Variants in IL1RAP observed in about 807,000 individuals in gnomAD.
IL1RAP encodes interleukin-1 receptor accessory protein.
A neutral mutation model predicts 60.7 loss-of-function variants in IL1RAP; 35 were observed. The observed-to-expected ratio is 0.58, with a 90% confidence interval of 0.44 to 0.76. The LOEUF is 0.76. IL1RAP is among the 30% of genes least tolerant of loss of function. The pLI, the probability that IL1RAP is intolerant of heterozygous loss-of-function variation, is 0.00. For synonymous variants in IL1RAP, 268 were observed against 250.9 expected (o/e 1.07, Z -0.64); for missense variants, 572 against 693.9 (o/e 0.82, Z 1.97).
At chr3:190,596,378 G>A (rs1052648409) in intron 3 of IL1RAP, among the ~76,000 whole-genome samples, 4 of 151,942 alleles carry the variant, frequency 2.6e-5, no homozygotes, top group Non-Finnish European at 4.4e-5. Flanking sequence ...CTACCACTCA[G>A]GCAAAAGTAA....
intron 11 of IL1RAP, among the ~76,000 whole-genome samples, chr3:190,647,898 T>A (rs970152235): frequency 6.6e-6 from 1 of 152,188 alleles, no homozygotes; most frequent in African/African-American, 2.4e-5. Context: ...CCTTTTTGAG[T>A]GTCCATTGGT....
intron 1 of IL1RAP, among the ~76,000 whole-genome samples, chr3:190,543,806 G>A (rs1046564487): frequency 6.6e-6 from 1 of 152,152 alleles, no homozygotes; most frequent in Non-Finnish European, 1.5e-5. Flanking sequence ...GATCGTGGGA[G>A]GATTCAGAAT....
intron 3 of IL1RAP, among the ~76,000 whole-genome samples, chr3:190,571,174 A>G (rs941383976): frequency 1.3e-5 from 2 of 152,050 alleles, no homozygotes; most frequent in Non-Finnish European, 2.9e-5. Flanking sequence ...TTAATTTATT[A>G]TGGTGGGTTT....
At chr3:190,603,040 T>C (rs1729993718) in intron 3 of IL1RAP, among the ~76,000 whole-genome samples, 1 of 152,186 alleles carries the variant, frequency 6.6e-6, no homozygotes, top group African/African-American at 2.4e-5. Flanking sequence ...GTTTGTTTTT[T>C]TTTCTGAGTA....
At chr3:190,546,824 A>G (rs1329055587) in intron 1 of IL1RAP, among the ~76,000 whole-genome samples, 1 of 152,172 alleles carries the variant, frequency 6.6e-6, no homozygotes, top group Non-Finnish European at 1.5e-5. Flanking sequence ...AGGCAATGAA[A>G]ATCTGTGTCA....
chr3:190,627,283 TG>T (rs756474800), intron 7 of IL1RAP, 39 bp from the exon 8 acceptor site: 10 of 1,466,772 alleles, frequency 6.8e-6, no homozygotes, highest in African/African-American at 3.2e-5. Flanking sequence ...TGTTTTGTTT[TG>T]TTTTTTGTTT....
At chr3:190,584,083 G>A (rs9862847) in intron 3 of IL1RAP, among the ~76,000 whole-genome samples, 10,953 of 152,120 alleles carry the variant, frequency 0.072, 461 homozygotes, top group African/African-American at 0.084. Context: ...ACCACTGATC[G>A]TTTTCTGCTC....
intron 9 of IL1RAP, among the ~76,000 whole-genome samples, chr3:190,632,356 G>C (rs1295097181): frequency 6.6e-6 from 1 of 152,078 alleles, no homozygotes; most frequent in East Asian, 1.9e-4. Context: ...TAATGATGTT[G>C]GACAATTTTT....
At chr3:190,658,999 A>G (rs6788050) in exon 12 of IL1RAP, 26,141 of 152,146 alleles carry the variant, frequency 0.17, 4,214 homozygotes, top group African/African-American at 0.42. Flanking sequence ...TATATTCAAG[A>G]ACCTTCAGTT....
intron 5 of IL1RAP, among the ~76,000 whole-genome samples, chr3:190,615,781 A>C (rs1731216031): frequency 6.6e-6 from 1 of 152,222 alleles, no homozygotes; most frequent in Admixed American, 6.5e-5. Context: ...TTGCTCTTCC[A>C]GACTAAGTGC....
chr3:190,653,444 GA>G (rs1179628365), downstream of IL1RAP, among the ~76,000 whole-genome samples: 1 of 152,088 alleles, frequency 6.6e-6, no homozygotes, highest in Non-Finnish European at 1.5e-5. Flanking sequence ...AGCAATATTT[GA>G]AACCACATTC....
At chr3:190,581,529 G>A (rs1436910155) in intron 3 of IL1RAP, among the ~76,000 whole-genome samples, 1 of 152,098 alleles carries the variant, frequency 6.6e-6, no homozygotes, top group Non-Finnish European at 1.5e-5. Context: ...GCAAACCCTT[G>A]CCCAGCAGAG....
At chr3:190,627,679 C>CTGAG in intron 8 of IL1RAP, among the ~76,000 whole-genome samples, 1 of 152,322 alleles carries the variant, frequency 6.6e-6, no homozygotes, top group South Asian at 2.1e-4. Context: ...TTAGAATGTT[C>CTGAG]TGAGGCTGAG....
chr3:190,643,535 T>TA (rs11401211), intron 9 of IL1RAP, among the ~76,000 whole-genome samples: 39,043 of 151,906 alleles, frequency 0.26, 6,625 homozygotes, highest in African/African-American at 0.49. Context: ...GCCTAAAATA[T>TA]AAAAAATAAG....
intron 9 of IL1RAP, chr3:190,642,304 G>A (rs893254931): frequency 1.3e-5 from 2 of 152,726 alleles, no homozygotes; most frequent in African/African-American, 4.8e-5. Context: ...GCACTCAGTG[G>A]AAGAGGACGA....
rs989025578 is a variant in IL1RAP, at chr3:190,514,134, G to T, written c.-174G>T. On this transcript the variant is annotated 5_prime_UTR_variant, in exon 1 of 12. Coordinates refer to ENST00000447382, the MANE Select transcript of IL1RAP (RefSeq NM_002182.4). ...ATCCAGGTCTCCGGGGTCCGCTTTG[G>T]CCAGAGGCGCGGAAGGAAGCAGTGC... The T allele has an allele frequency of 6.6e-6, 1 of 152,398 alleles. No homozygotes were observed. Among genetic ancestry groups the T allele is most frequent in the Non-Finnish European group, 1.5e-5 (1 of 68,092 alleles). The allele number at this position is 152,398 out of a possible 1,614,324, so 9.4% of individuals were successfully genotyped here. A position where few individuals can be genotyped will look rare whatever the true frequency, so the allele number is the denominator to read the frequency against.
chr3:190,625,473 A>G (rs929729), intron 7 of IL1RAP, among the ~76,000 whole-genome samples: 99,631 of 151,962 alleles, frequency 0.66, 33,468 homozygotes, highest in East Asian at 0.83. Context: ...TGAAAAAAAT[A>G]AATCAATTAA....
chr3:190,617,110 C>T (rs1731347205), intron 5 of IL1RAP, among the ~76,000 whole-genome samples: 1 of 152,170 alleles, frequency 6.6e-6, no homozygotes, highest in Non-Finnish European at 1.5e-5. Context: ...TAAGAACCAG[C>T]CCAAATCTTT....
intron 3 of IL1RAP, among the ~76,000 whole-genome samples, chr3:190,567,230 G>T (rs1015504822): frequency 1.3e-5 from 2 of 152,100 alleles, no homozygotes; most frequent in African/African-American, 4.8e-5. Context: ...AGGAATGGGG[G>T]AGCAACATTT....
Sources: gnomAD v4.1 joint callset for allele counts (sites outside exome capture counted in the v4.1 genomes callset) on GRCh38, gnomAD v4.1.1 for gene constraint, MANE v1.5 for transcripts, NCBI Gene and HGNC (gene_info 2026-07-23, HGNC 2026-07-21) for gene names.